Variants in RGS3 observed in about 807,000 individuals in gnomAD.
RGS3 encodes the protein regulator of G-protein signalling 3.
A neutral mutation model predicts 132.6 loss-of-function variants in RGS3; 80 were observed. The ratio of observed to expected loss-of-function variants is 0.60; its 90% CI spans 0.50 to 0.73. The LOEUF is 0.73. Ranked by LOEUF, RGS3 falls within the 30% of genes least tolerant of loss-of-function variation. The pLI is 0.00. For synonymous variants in RGS3, 598 were observed against 620.6 expected, an observed-to-expected ratio of 0.96 and a Z score of 0.54; for missense variants, 1,382 against 1,530.8, an observed-to-expected ratio of 0.90 and a Z score of 1.62.
intron 10 of RGS3, among the ~76,000 whole-genome samples, chr9:113,502,253 C>T (rs955238457): frequency 5.3e-5 from 8 of 152,082 alleles, no homozygotes; most frequent in Non-Finnish European, 1.2e-4. Context: ...CTGTGATGGG[C>T]CATTTTTTCT....
chr9:113,587,568 G>A (rs1835183385), intron 20 of RGS3, among the ~76,000 whole-genome samples: 1 of 152,210 alleles, frequency 6.6e-6, no homozygotes, highest in African/African-American at 2.4e-5. Flanking sequence ...AGAAAGCTTG[G>A]GCTGGTCATT....
rs566934472 is a variant in RGS3 at position 113,506,830 on chromosome 9, A to G, written c.1085+337A>G. Among the ~76,000 whole-genome samples the G allele has an allele frequency of 7.2e-5, 11 of 152,270 alleles. No homozygotes were observed. Among genetic ancestry groups the G allele is most frequent in the Non-Finnish European group, 1.5e-4 (10 of 68,024 alleles). ...TATTTAAGGGCATGAAGATGTTGCAAATGTTTCAATTGCACAATTAAAAAA... is the reference window on the plus strand; with the variant it reads ...TATTTAAGGGCATGAAGATGTTGCAGATGTTTCAATTGCACAATTAAAAAA... On this transcript the variant is annotated intron_variant, in intron 12 of 24. Transcript: ENST00000350696. This position sits in a 1 kb window ranked among gnomAD's most constrained non-coding sequence, Gnocchi z 4.7.
chr9:113,444,739 C>T (rs1477975893), exon 1 of RGS3: 2 of 152,296 alleles, frequency 1.3e-5, no homozygotes, highest in African/African-American at 4.8e-5. Context: ...AGAACTTTGG[C>T]TCAGCCTGTC....
At chr9:113,488,934 C>T (rs368944383) in intron 7 of RGS3, among the ~76,000 whole-genome samples, 1 of 152,222 alleles carries the variant, frequency 6.6e-6, no homozygotes, top group Non-Finnish European at 1.5e-5. Context: ...GCTGAATGCT[C>T]TCAAATCAAA....
At chr9:113,517,206 G>T (rs1206429021) in intron 15 of RGS3, 25 of 502,932 alleles carry the variant, frequency 5.0e-5, no homozygotes, top group Admixed American at 1.4e-4. Flanking sequence ...GGCTGGGAGG[G>T]CCCAGGAGCC....
intron 7 of RGS3, among the ~76,000 whole-genome samples, chr9:113,491,103 TTATA>T (rs1170985988): frequency 3.5e-5 from 5 of 142,404 alleles, no homozygotes; most frequent in East Asian, 2.0e-4. Flanking sequence ...TTAATTATAA[TTATA>T]TATGAGCATA....
chr9:113,449,674 A>G (rs954344705), intron 1 of RGS3, among the ~76,000 whole-genome samples: 2 of 152,206 alleles, frequency 1.3e-5, no homozygotes, highest in Admixed American at 6.5e-5. Flanking sequence ...GTGGTTATTC[A>G]TGATTTATGT....
chr9:113,547,257 A>G (rs1833153545), intron 19 of RGS3, among the ~76,000 whole-genome samples: 1 of 152,228 alleles, frequency 6.6e-6, no homozygotes, highest in African/African-American at 2.4e-5. Context: ...TTTCACATTG[A>G]AACAGAGTGT....
chr9:113,463,934 C>G lies in RGS3; in HGVS notation c.415+1733C>G. ...GGGCTGCTTCACCCTGCTCCCAGCG[C>G]CCAGAAACGCAGCCCCTCGTGGTGA... is the stretch of plus-strand genomic sequence containing the variant. On this transcript the variant is annotated intron_variant, in intron 3 of 24. Coordinates refer to ENST00000350696, the Ensembl canonical transcript of RGS3. The surrounding 1 kb of genome is among the most constrained non-coding windows in gnomAD (Gnocchi z 4.6). 1.3e-6 allele frequency: 2 copies of G among 1,588,910 alleles called. No individual in the cohort carries two copies. Among genetic ancestry groups the G allele is most frequent in the Non-Finnish European group, 1.7e-6 (2 of 1,161,514 alleles).
chr9:113,456,526 C>T (rs1231155844), upstream of RGS3, among the ~76,000 whole-genome samples: 3 of 152,196 alleles, frequency 2.0e-5, no homozygotes, highest in African/African-American at 7.2e-5. Context: ...TCTTTCCATC[C>T]CTATTGCCAC....
chr9:113,528,074 C>T (rs1447832866), intron 17 of RGS3, among the ~76,000 whole-genome samples: 1 of 152,168 alleles, frequency 6.6e-6, no homozygotes. Context: ...GAAAAGAGCC[C>T]TGTCTTCCAG....
At chr9:113,594,404 AC>A in intron 21 of RGS3, 25 bp from the exon 20 acceptor site, 1 of 1,612,036 alleles carries the variant, frequency 6.2e-7, no homozygotes, top group Non-Finnish European at 8.5e-7. Context: ...AGGCTGAGCA[AC>A]CCTCTTTTCT....
chr9:113,553,067 C>T (rs1244872487), intron 19 of RGS3, among the ~76,000 whole-genome samples: 1 of 151,982 alleles, frequency 6.6e-6, no homozygotes, highest in East Asian at 1.9e-4. Context: ...CCAAATTTTC[C>T]CCCATGCACA....
intron 19 of RGS3, chr9:113,541,605 G>A (rs886316746): frequency 3.1e-6 from 4 of 1,296,258 alleles, no homozygotes; most frequent in Non-Finnish European, 3.9e-6. Flanking sequence ...GGACCACAAT[G>A]GTGTGAGAGG....
intron 10 of RGS3, chr9:113,501,468 G>C: frequency 6.6e-7 from 1 of 1,504,724 alleles, no homozygotes; most frequent in Non-Finnish European, 8.9e-7. Flanking sequence ...CTTCTGTGGG[G>C]CGGGCTTCCC....
Position 113,501,287 on chromosome 9 carries a change from G to A in RGS3, c.897+3207G>A. On this transcript the variant is annotated intron_variant, in intron 10 of 24. Coordinates refer to ENST00000350696, the Ensembl canonical transcript of RGS3. ...GGCGGAGAATGCAGCCAGAACAAAG[G>A]CGCCCTCTCCCCGCCGGGCCCGGGG... 2 of 638,768 alleles carry A rather than the reference G, an allele frequency of 3.1e-6. 1 individual carries two copies. Among genetic ancestry groups the A allele is most frequent in the South Asian group, 6.2e-5 (2 of 32,220 alleles). The allele number at this position is 638,768 out of a possible 1,614,324, so 39.6% of individuals were successfully genotyped here. A position where few individuals can be genotyped will look rare whatever the true frequency, so the allele number is the denominator to read the frequency against.
intron 15 of RGS3, among the ~76,000 whole-genome samples, chr9:113,516,540 G>T (rs1273766312): frequency 3.3e-5 from 5 of 151,674 alleles, no homozygotes; most frequent in Non-Finnish European, 7.4e-5. Context: ...TGTATTTTTA[G>T]TAGAGACGGG....
intron 19 of RGS3, among the ~76,000 whole-genome samples, chr9:113,554,361 G>A (rs1486796404): frequency 2.6e-5 from 4 of 152,250 alleles, no homozygotes; most frequent in Admixed American, 6.5e-5. Context: ...GCTGGAGTGC[G>A]GTGGCGCCAT....
At chr9:113,541,244 C>T in intron 19 of RGS3, 2 of 1,502,930 alleles carry the variant, frequency 1.3e-6, no homozygotes, top group South Asian at 2.5e-5. Flanking sequence ...TAGAAAGGAA[C>T]AGAGGCAGGT....
Sources: gnomAD v4.1 joint callset for allele counts (sites outside exome capture counted in the v4.1 genomes callset) on GRCh38, gnomAD v4.1.1 for gene constraint, Gnocchi (gnomAD v3.1) non-coding constraint, MANE v1.5 for transcripts, NCBI Gene and HGNC (gene_info 2026-07-23, HGNC 2026-07-21) for gene names.